The following ADGRE2 variants were observed in gnomAD, a reference collection of about 807,000 sequenced individuals.
ADGRE2 encodes CD97 antigen.
ADGRE2 carries 83 observed loss-of-function variants against 100.8 expected under a neutral mutation model. The observed-to-expected ratio is 0.82, with a 90% CI of 0.69 to 0.99. ADGRE2 has a LOEUF of 0.99. Among genes scored for constraint, ADGRE2 ranks in the 50% least tolerant of loss-of-function variants. The pLI is 0.00. For synonymous variants in ADGRE2, 355 were observed against 413.0 expected (o/e 0.86, Z 1.70); for missense variants, 814 against 1,035.7 (o/e 0.79, Z 2.94).
intron 10 of ADGRE2, among the ~76,000 whole-genome samples, chr19:14,765,112 C>T: frequency 6.6e-6 from 1 of 152,182 alleles, no homozygotes; most frequent in African/African-American, 2.4e-5. Flanking sequence ...CAATGCTGAC[C>T]TAAACCCAAA....
In ADGRE2 at chr19:14,777,422, G is replaced by A. The variant is rs189402364; in HGVS notation, c.-171-495C>T. On this transcript the variant is annotated intron_variant, in intron 1 of 20. Coordinates refer to ENST00000315576, the MANE Select transcript of ADGRE2 (RefSeq NM_013447.4). ...AGGCAGGAGGATCGCTTGAGCTCAGGAGTTTGAGACCAGCCTGGGCAACAT... is the reference window on the plus strand; with the variant it reads ...AGGCAGGAGGATCGCTTGAGCTCAGAAGTTTGAGACCAGCCTGGGCAACAT... Among the ~76,000 whole-genome samples, 559 of 152,282 alleles carry A rather than the reference G, an allele frequency of 3.7e-3. 1 individual carries two copies. Among genetic ancestry groups the A allele is most frequent in the Middle Eastern group, 0.024 (7 of 294 alleles).
intron 6 of ADGRE2, 89 bp downstream of exon 6, chr19:14,766,889 C>T (rs1425943340): frequency 6.8e-7 from 1 of 1,479,780 alleles, no homozygotes; most frequent in Non-Finnish European, 9.2e-7. Flanking sequence ...TGCGGATCTT[C>T]TCCCTCCTCC....
At position 14,765,698 on chromosome 19, in the gene ADGRE2, T is replaced by A. The variant is rs1409452250; in HGVS notation, c.741A>T (p.Arg247Ser). 1 of 1,613,304 alleles carries A rather than the reference T, an allele frequency of 6.2e-7. No homozygotes were observed. Among genetic ancestry groups the A allele is most frequent in the East Asian group, 2.2e-5 (1 of 44,898 alleles). ...SCRCRPGWKPRHGIPNNQKDT... is the reference protein window; with the variant it reads ...SCRCRPGWKPSHGIPNNQKDT... ...CCTTTTGGTTATTCGGGATTCCGTG[T>A]CTGGGCTTCCAGCCTGGGCGGCAGC... is the stretch of plus-strand genomic sequence containing the variant. Residue 247 changes from arginine (R) to serine (S), a missense_variant, in exon 8 of 21, where the codon AGA (arginine) becomes AGT (serine). Coordinates refer to ENST00000315576, the MANE Select transcript of ADGRE2 (RefSeq NM_013447.4).
chr19:14,754,964 T>C lies in ADGRE2; in HGVS notation c.1580A>G (p.Tyr527Cys). Residue 527 changes from tyrosine (Y) to cysteine (C), a missense_variant, in exon 14 of 21, where the codon TAC becomes TGC. Around this residue, in one of 5 missense-constraint regions of ADGRE2, gnomAD observed 569 missense variants for 692.7 expected, o/e 0.82. Transcript: ENST00000315576. ...LSSFAVLMAH[Y>C]DVQEEDPVLT... ...TCCTAAGGGTCTCACCTGCACATCG[T>C]AGTGGGCCATGAGGACGGCAAAGCT... 2.2e-5 allele frequency: 35 copies of C among 1,613,868 alleles called. No individual in the cohort carries two copies. The highest frequency in any genetic ancestry group is 2.9e-5 in the Non-Finnish European group (34 of 1,179,998).
At chr19:14,770,669 C>CTTTTTTTTTTTTTTTTTTTTTTTTTTTTT (rs775214778) in intron 5 of ADGRE2, among the ~76,000 whole-genome samples, 3 of 85,010 alleles carry the variant, frequency 3.5e-5, no homozygotes, top group African/African-American at 1.4e-4. Context: ...TCTTTCTTTT[C>CTTTTTTTTTTTTTTTTTTTTTTTTTTTTT]TTTTTTTTTT....
At chr19:14,764,204 A>G (rs1015489201) in intron 11 of ADGRE2, among the ~76,000 whole-genome samples, 3 of 149,718 alleles carry the variant, frequency 2.0e-5, no homozygotes, top group African/African-American at 7.4e-5. Context: ...CTGGGGCCAC[A>G]GTTGTGCCAT....
At chr19:14,727,298 G>T in the ADGRE2 span, among the ~76,000 whole-genome samples, 1 of 152,134 alleles carries the variant, frequency 6.6e-6, no homozygotes, top group Non-Finnish European at 1.5e-5. Flanking sequence ...AAAATGCTGG[G>T]ATTACAGGTG....
intron 5 of ADGRE2, among the ~76,000 whole-genome samples, chr19:14,769,483 T>A (rs886070436): frequency 7.3e-5 from 11 of 151,538 alleles, no homozygotes; most frequent in Non-Finnish European, 1.5e-4. Context: ...TGCTGAGGGG[T>A]GAGGGGGATG....
intron 20 of ADGRE2, 60 bp from the exon 21 acceptor site, chr19:14,736,304 T>G: frequency 8.6e-7 from 1 of 1,158,436 alleles, no homozygotes. Context: ...TCTTGTTGCC[T>G]GGGCTGGAGT....
At chr19:14,761,008 G>A (rs965095950) in intron 11 of ADGRE2, among the ~76,000 whole-genome samples, 3 of 152,062 alleles carry the variant, frequency 2.0e-5, no homozygotes, top group East Asian at 1.9e-4. Context: ...GGAAGCACCC[G>A]CCCCACACCT....
At chr19:14,764,646 G>A in intron 10 of ADGRE2, 36 bp from the exon 11 acceptor site, 1 of 1,577,368 alleles carries the variant, frequency 6.3e-7, no homozygotes, top group East Asian at 2.2e-5. Context: ...GTGAGCCATG[G>A]GCCAGAGGGC....
intron 20 of ADGRE2, among the ~76,000 whole-genome samples, chr19:14,736,685 TATAG>T (rs2042754717): frequency 7.0e-6 from 1 of 142,074 alleles, no homozygotes; most frequent in South Asian, 2.2e-4. Context: ...TTTAGAAATA[TATAG>T]ATATTTAGAA....
At chr19:14,756,502 T>C (rs984870871) in intron 11 of ADGRE2, among the ~76,000 whole-genome samples, 157 bp from the exon 12 acceptor site, 10 of 152,168 alleles carry the variant, frequency 6.6e-5, no homozygotes, top group African/African-American at 1.7e-4. Context: ...ATCTACAAAG[T>C]AGGTAACCTA....
At chr19:14,754,724 G>C (rs1382579842) in intron 14 of ADGRE2, among the ~76,000 whole-genome samples, 1 of 152,154 alleles carries the variant, frequency 6.6e-6, no homozygotes, top group African/African-American at 2.4e-5. Flanking sequence ...CCAGCAACCA[G>C]GGAGCTTGGA....
chr19:14,728,942 C>T (rs1039027748), downstream of ADGRE2, among the ~76,000 whole-genome samples: 3 of 152,116 alleles, frequency 2.0e-5, no homozygotes, highest in East Asian at 5.8e-4. Context: ...TAAGCTGACC[C>T]GATTGGCTAC....
intron 12 of ADGRE2, among the ~76,000 whole-genome samples, 180 bp downstream of exon 12, chr19:14,756,058 C>T (rs1332121366): frequency 6.6e-6 from 1 of 152,224 alleles, no homozygotes; most frequent in Non-Finnish European, 1.5e-5. Context: ...GACAAGGCCA[C>T]GGTTAATATC....
At chr19:14,770,197 T>G (rs1440432253) in intron 5 of ADGRE2, among the ~76,000 whole-genome samples, 3 of 152,154 alleles carry the variant, frequency 2.0e-5, no homozygotes, top group Non-Finnish European at 4.4e-5. Flanking sequence ...GTGCTGTCCT[T>G]GGGTCATGAG....
intron 11 of ADGRE2, among the ~76,000 whole-genome samples, chr19:14,761,515 TG>T (rs1290489347): frequency 6.6e-6 from 1 of 152,008 alleles, no homozygotes; most frequent in African/African-American, 2.4e-5. Flanking sequence ...AAGGAAGTCC[TG>T]GGTAAGTCTT....
intron 10 of ADGRE2, 32 bp downstream of exon 10, chr19:14,765,288 C>T (rs746054931): frequency 1.7e-5 from 27 of 1,613,234 alleles, no homozygotes; most frequent in Non-Finnish European, 2.1e-5. Context: ...CACCTTCCTG[C>T]CTCGCCCCCT....
Sources: gnomAD v4.1 joint callset for allele counts (sites outside exome capture counted in the v4.1 genomes callset) on GRCh38, gnomAD v4.1.1 for gene constraint, gnomAD v4.1.1 regional missense constraint, MANE v1.5 for transcripts, NCBI Gene and HGNC (gene_info 2026-07-23, HGNC 2026-07-21) for gene names.